Variants in TESK1 observed in about 807,000 individuals in gnomAD.
TESK1 encodes the protein dual specificity testis-specific protein kinase 1.
In TESK1, 18 loss-of-function variants were observed where a neutral mutation model predicts 59.9. The ratio of observed to expected loss-of-function variants is 0.30; its 90% CI spans 0.21 to 0.45. The LOEUF (loss-of-function observed/expected upper bound fraction) is 0.45. TESK1 is among the 20% of genes least tolerant of loss of function. The pLI is 1.00. For missense variants in TESK1, 748 were observed against 840.9 expected (o/e 0.89, Z 1.37); for synonymous variants, 341 against 357.4 (o/e 0.95, Z 0.52).
intron 1 of TESK1, 23 bp downstream of exon 1, chr9:35,605,861 A>G (rs934922664): frequency 8.7e-6 from 14 of 1,608,732 alleles, no homozygotes; most frequent in Non-Finnish European, 1.1e-5. Context: ...GAGAGGGCAG[A>G]GGGGCGGGAC....
Position 35,609,057 on chromosome 9 carries a change from G to A in TESK1, c.1196G>A (p.Ser399Asn), listed in dbSNP as rs1822914457. The A allele has an allele frequency of 6.2e-7, 1 of 1,614,150 alleles. No individual in the cohort carries two copies. The highest frequency in any genetic ancestry group is 8.5e-7 in the Non-Finnish European group (1 of 1,180,036). ...GGKIKLLDTP[S>N]KPVLPLVPPS... ...AAGATCAAGCTCTTAGACACACCCA[G>A]CAAGCCAGTCCTGCCTCTTGTGCCA... is the stretch of plus-strand genomic sequence containing the variant. Residue 399 changes from serine to asparagine, a missense_variant, in exon 10 of 10, where the codon AGC becomes AAC. This residue lies in a region of TESK1 where 447 missense variants were observed against 466.1 expected (regional missense o/e 0.96). Transcript: ENST00000336395. This position sits in a 1 kb window ranked among gnomAD's most constrained non-coding sequence, Gnocchi z 6.7.
At chr9:35,606,708 G>GA in intron 3 of TESK1, 129 bp from the exon 4 acceptor site, 1 of 803,596 alleles carries the variant, frequency 1.2e-6, no homozygotes, top group Admixed American at 2.9e-5. Context: ...TGGATGGGGG[G>GA]GGTCCTACAG....
intron 8 of TESK1, 21 bp from the exon 9 acceptor site, chr9:35,608,374 G>T: frequency 6.2e-7 from 1 of 1,612,954 alleles, no homozygotes; most frequent in Non-Finnish European, 8.5e-7. Flanking sequence ...GAGTGAAGCC[G>T]TTCCTGTCTC....
In TESK1 at chr9:35,609,414, C is replaced by T; in HGVS notation, c.1553C>T (p.Pro518Leu). The T allele has an allele frequency of 1.2e-6, 2 of 1,608,840 alleles. No individual in the cohort carries two copies. Among genetic ancestry groups the T allele is most frequent in the Non-Finnish European group, 1.7e-6 (2 of 1,177,232 alleles). ...PRSGPVLNNN[P>L]PAVVVNSPQG... ...TCAGGACCCGTCCTCAATAACAATC[C>T]CCCAGCTGTGGTGGTGAACTCCCCA... is the stretch of plus-strand genomic sequence containing the variant. The change falls in exon 10 of 10, where the codon CCC becomes CTC. Residue 518 changes from proline to leucine, a missense_variant. Physicochemically the swap from Pro to Leu is moderately conservative, Grantham distance 98 (BLOSUM62 -3). Around this residue, in one of 3 missense-constraint regions of TESK1, gnomAD observed 447 missense variants for 466.1 expected, o/e 0.96. Transcript: ENST00000336395. The surrounding 1 kb of genome is among the most constrained non-coding windows in gnomAD (Gnocchi z 6.7).
At position 35,605,718 on chromosome 9, in the gene TESK1, G is replaced by A. The variant is rs1449195202; in HGVS notation, c.99G>A (p.Pro33=). ...GGCCGGGGGGCACGGGCGGAGGCCC[G>A]GGCCGGGGCCGCCCCTCCTCCTACC... is the stretch of plus-strand genomic sequence containing the variant. ...PPGPGGTGGG[P]GRGRPSSYRA... The change falls in exon 1 of 10, where the codon CCG becomes CCA. Residue 33 remains proline (P), a synonymous_variant. Transcript: ENST00000336395. 1.3e-6 allele frequency: 2 copies of A among 1,556,790 alleles called. No individual in the cohort carries two copies. Among genetic ancestry groups the A allele is most frequent in the Non-Finnish European group, 1.7e-6 (2 of 1,152,070 alleles).
chr9:35,608,808 A>G (rs41314209), intron 9 of TESK1, 54 bp from the exon 10 acceptor site: 80,439 of 1,526,384 alleles, frequency 0.053, 2,323 homozygotes, highest in African/African-American at 0.062. Context: ...TGAGGCCCTC[A>G]AGGAGCTGTG....
In TESK1 at chr9:35,609,721, G is replaced by A; in HGVS notation, c.1860G>A (p.Gln620=). The change falls in exon 10 of 10, where the codon CAG becomes CAA. Residue 620 remains glutamine (Q), a synonymous_variant. Coordinates refer to ENST00000336395, the MANE Select transcript of TESK1 (RefSeq NM_006285.3). The surrounding 1 kb of genome is among the most constrained non-coding windows in gnomAD (Gnocchi z 6.7). The part of the protein sequence containing the change: ...HHAKPPTPSL[Q]LPGARS ...CCAAGCCACCCACACCCAGCCTGCAGCTGCCTGGGGCACGCTCTTAGCAGT... is the reference window on the plus strand; with the variant it reads ...CCAAGCCACCCACACCCAGCCTGCAACTGCCTGGGGCACGCTCTTAGCAGT... 6.3e-7 allele frequency: 1 copy of A among 1,596,704 alleles called. No homozygotes were observed. The highest frequency in any genetic ancestry group is 8.5e-7 in the Non-Finnish European group (1 of 1,177,984).
In TESK1 at chr9:35,607,068, A is replaced by G. The variant is rs185933730; in HGVS notation, c.537+85A>G. Reference sequence around the variant, plus strand: ...GGCCTGTGGATGTTGGAATATGGATAACAGATATATTAGGATGTTGGAGTG... The same window carrying G: ...GGCCTGTGGATGTTGGAATATGGATGACAGATATATTAGGATGTTGGAGTG... On this transcript the variant is annotated intron_variant, in intron 4 of 9. Transcript: ENST00000336395. The surrounding 1 kb of genome is among the most constrained non-coding windows in gnomAD (Gnocchi z 4.5). 7 of 1,460,682 alleles carry G rather than the reference A, an allele frequency of 4.8e-6. No homozygotes were observed. The highest frequency in any genetic ancestry group is 6.4e-6 in the Non-Finnish European group (7 of 1,095,262). 90.5% of individuals were successfully genotyped at this position (1,460,682 alleles called of 1,614,324 possible). A position where few individuals can be genotyped will look rare whatever the true frequency, so the allele number is the denominator to read the frequency against.
chr9:35,606,436 C>A, intron 3 of TESK1, 151 bp downstream of exon 3: 1 of 890,968 alleles, frequency 1.1e-6, no homozygotes, highest in Non-Finnish European at 1.8e-6. Context: ...TTTAGGCAAA[C>A]CACATATAAA....
rs1203487000 is a variant in TESK1, at chr9:35,605,436, C to A, written c.-184C>A. 1.4e-5 allele frequency: 3 copies of A among 208,196 alleles called. No individual in the cohort carries two copies. The highest frequency in any genetic ancestry group is 2.8e-5 in the Non-Finnish European group (3 of 106,468). 12.9% of individuals were successfully genotyped at this position (208,196 alleles called of 1,614,324 possible). A position where few individuals can be genotyped will look rare whatever the true frequency, so the allele number is the denominator to read the frequency against. On this transcript the variant is annotated 5_prime_UTR_variant, in exon 1 of 10. Transcript: ENST00000336395. ...CGGAGCGGAGCGGCGCGGCGTCCACCCGGGCCCAGCCAGCCGGCGCGGCGG... is the reference window on the plus strand; with the variant it reads ...CGGAGCGGAGCGGCGCGGCGTCCACACGGGCCCAGCCAGCCGGCGCGGCGG...
rs1269463684 is a variant in TESK1 at position 35,609,128 on chromosome 9, G to A, written c.1267G>A (p.Glu423Lys). 1.2e-6 allele frequency: 2 copies of A among 1,613,932 alleles called. No homozygotes were observed. The highest frequency in any genetic ancestry group is 2.2e-5 in the South Asian group (2 of 91,090). Residue 423 changes from glutamate (E) to lysine (K), a missense_variant, in exon 10 of 10, where the codon GAG becomes AAG. Around this residue, in one of 3 missense-constraint regions of TESK1, gnomAD observed 447 missense variants for 466.1 expected, o/e 0.96. Transcript: ENST00000336395. This position sits in a 1 kb window ranked among gnomAD's most constrained non-coding sequence, Gnocchi z 6.7. Reference sequence around the variant, plus strand: ...TCAGCTGCCCTTGGTGACCACTCCGGAGACCCTGGTCCAGCCTGGGACACC... The same window carrying A: ...TCAGCTGCCCTTGGTGACCACTCCGAAGACCCTGGTCCAGCCTGGGACACC... ...STQLPLVTTP[E>K]TLVQPGTPAR...
rs764993356 is a variant in TESK1 at position 35,609,178 on chromosome 9, CTCA to C, written c.1320_1322del (p.Ser441del). On this transcript the variant is annotated inframe_deletion, in exon 10 of 10. Transcript: ENST00000336395. The surrounding 1 kb of genome is among the most constrained non-coding windows in gnomAD (Gnocchi z 6.7). ...CTGCCCGCCGCTGCCGCTCACTACC[CTCA>C]TCCCCCGAGCTCCCCCGCCGTATGG... is the stretch of plus-strand genomic sequence containing the variant. 1.2e-6 allele frequency: 2 copies of C among 1,613,696 alleles called. No individual in the cohort carries two copies. The highest frequency in any genetic ancestry group is 1.7e-6 in the Non-Finnish European group (2 of 1,180,026).
chr9:35,607,868 T>A lies in TESK1; in HGVS notation c.712-60T>A. The stretch of plus-strand genomic sequence containing the variant: ...CTCAACCAAATTCTGCTATATTCTG[T>A]CAAAATTCTGAAATGAAAACTGTTA... On this transcript the variant is annotated intron_variant, in intron 6 of 9. Coordinates refer to ENST00000336395, the MANE Select transcript of TESK1 (RefSeq NM_006285.3). The surrounding 1 kb of genome is among the most constrained non-coding windows in gnomAD (Gnocchi z 4.5). 6.3e-7 allele frequency: 1 copy of A among 1,589,100 alleles called. No homozygotes were observed. Among genetic ancestry groups the A allele is most frequent in the Non-Finnish European group, 8.6e-7 (1 of 1,161,238 alleles).
intron 2 of TESK1, 36 bp downstream of exon 2, chr9:35,606,141 G>C: frequency 1.2e-6 from 2 of 1,614,108 alleles, no homozygotes; most frequent in Non-Finnish European, 1.7e-6. Context: ...CTTGCTGGGC[G>C]GGAGAGAAAG....
chr9:35,608,616 T>C (rs980885522), intron 9 of TESK1, 107 bp downstream of exon 9: 14 of 986,428 alleles, frequency 1.4e-5, no homozygotes, highest in Non-Finnish European at 2.1e-5. Context: ...TTGAAAAGGC[T>C]GGGGGTCGGG....
chr9:35,608,858 A>G lies in TESK1; in HGVS notation c.1001-4A>G. On this transcript the variant is annotated splice_polypyrimidine_tract_variant and splice_region_variant and intron_variant, in intron 9 of 9. Transcript: ENST00000336395. Reference sequence around the variant, plus strand: ...ACAGTGATTCCAGACTTCTCTATCTACAGGCTCTGTTGCAAGAGGGGGTCC... The same window carrying G: ...ACAGTGATTCCAGACTTCTCTATCTGCAGGCTCTGTTGCAAGAGGGGGTCC... 1 of 1,574,756 alleles carries G rather than the reference A, an allele frequency of 6.4e-7. No individual in the cohort carries two copies. The highest frequency in any genetic ancestry group is 8.6e-7 in the Non-Finnish European group (1 of 1,160,210).
rs1822928082 is a variant in TESK1 at position 35,609,389 on chromosome 9, T to C, written c.1528T>C (p.Ser510Pro). The C allele has an allele frequency of 6.2e-7, 1 of 1,610,430 alleles. No individual in the cohort carries two copies. The stretch of plus-strand genomic sequence containing the variant: ...GGCCTCCCAACCCTGGTCCCCTAGA[T>C]CAGGACCCGTCCTCAATAACAATCC... ...SSASQPWSPR[S>P]GPVLNNNPPA... Residue 510 changes from serine (S) to proline (P), a missense_variant, in exon 10 of 10, where the codon TCA (serine) becomes CCA (proline). Physicochemically the swap from Ser to Pro is moderately conservative, Grantham distance 74. This residue lies in a region of TESK1 where 447 missense variants were observed against 466.1 expected (regional missense o/e 0.96). Transcript: ENST00000336395. This position sits in a 1 kb window ranked among gnomAD's most constrained non-coding sequence, Gnocchi z 6.7.
chr9:35,607,513 T>A lies in TESK1; in HGVS notation c.621-69T>A. 1 of 1,569,128 alleles carries A rather than the reference T, an allele frequency of 6.4e-7. No individual in the cohort carries two copies. The highest frequency in any genetic ancestry group is 1.4e-5 in the African/African-American group (1 of 74,040). ...CCTTGGGGAACGGAGGGAGTTCACC[T>A]CATCCCCTTTTGCCTGGGGGGGATG... On this transcript the variant is annotated intron_variant, in intron 5 of 9. Transcript: ENST00000336395. This position sits in a 1 kb window ranked among gnomAD's most constrained non-coding sequence, Gnocchi z 4.5.
Position 35,607,403 on chromosome 9 carries a change from T to C in TESK1, c.614T>C (p.Val205Ala), listed in dbSNP as rs1822871758. 1 of 1,614,100 alleles carries C rather than the reference T, an allele frequency of 6.2e-7. No homozygotes were observed. The highest frequency in any genetic ancestry group is 8.5e-7 in the Non-Finnish European group (1 of 1,180,004). ...TTCGGGCTGGCCGAAAAGATTCCTG[T>C]GTATAGGTGAGATGAATGTCCCTGT... ...GDFGLAEKIP[V>A]YREGARKEPL... is the part of the protein sequence containing the mutation. The change falls in exon 5 of 10, where the codon GTG becomes GCG. Residue 205 changes from valine (V) to alanine (A), a missense_variant. Coordinates refer to ENST00000336395, the MANE Select transcript of TESK1 (RefSeq NM_006285.3). This position sits in a 1 kb window ranked among gnomAD's most constrained non-coding sequence, Gnocchi z 4.5.
Sources: gnomAD v4.1 joint callset for allele counts on GRCh38, gnomAD v4.1.1 for gene constraint, gnomAD v4.1.1 regional missense constraint, Gnocchi (gnomAD v3.1) non-coding constraint, MANE v1.5 for transcripts, NCBI Gene and HGNC (gene_info 2026-07-23, HGNC 2026-07-21) for gene names.